Variants in TDRD5 observed in about 807,000 individuals in gnomAD.
TDRD5 encodes the protein tudor domain containing 5.
TDRD5 carries 41 observed loss-of-function variants against 120.6 expected under a neutral mutation model. The observed-to-expected ratio is 0.34, with a 90% CI of 0.26 to 0.44. The LOEUF (loss-of-function observed/expected upper bound fraction) is 0.44. Ranked by LOEUF, TDRD5 falls within the 20% of genes least tolerant of loss-of-function variation. TDRD5 has a pLI of 1.00. For missense variants in TDRD5, 1,006 were observed against 1,221.2 expected, an observed-to-expected ratio of 0.82 and a Z score of 2.63; for synonymous variants, 430 against 433.7, an observed-to-expected ratio of 0.99 and a Z score of 0.11.
chr1:179,675,368 C>T (rs1030241231), intron 17 of TDRD5, among the ~76,000 whole-genome samples: 6 of 146,260 alleles, frequency 4.1e-5, no homozygotes, highest in African/African-American at 7.6e-5. Context: ...CAAGCTCCGC[C>T]TCTTGGGTTC....
intron 6 of TDRD5, among the ~76,000 whole-genome samples, chr1:179,626,370 G>A (rs958148798): frequency 5.9e-5 from 9 of 152,096 alleles, no homozygotes; most frequent in African/African-American, 1.7e-4. Context: ...ATAATCTATG[G>A]TGGAAAAAAA....
chr1:179,682,320 G>A (rs895908679), intron 17 of TDRD5, among the ~76,000 whole-genome samples: 2 of 151,956 alleles, frequency 1.3e-5, no homozygotes, highest in African/African-American at 2.4e-5. Flanking sequence ...AGGTATACAC[G>A]TGCCATGGTG....
At chr1:179,659,594 C>T (rs12089519) in intron 14 of TDRD5, among the ~76,000 whole-genome samples, 1,927 of 139,686 alleles carry the variant, frequency 0.014, 53 homozygotes, top group African/African-American at 0.047. Context: ...TGTGTGTGCG[C>T]GCGCTTGCCT....
At chr1:179,651,933 G>T in intron 12 of TDRD5, 106 bp from the exon 13 acceptor site, 2 of 1,245,992 alleles carry the variant, frequency 1.6e-6, no homozygotes, top group East Asian at 2.5e-5. Flanking sequence ...AATAAAATTT[G>T]GAAGATAATA....
At chr1:179,602,640 T>TC (rs1426476164) in intron 4 of TDRD5, among the ~76,000 whole-genome samples, 6 of 152,194 alleles carry the variant, frequency 3.9e-5, no homozygotes, top group African/African-American at 1.4e-4. Flanking sequence ...GGGTGTCCTT[T>TC]CCCCACTTTA....
At chr1:179,596,497 A>G (rs1201396261) in intron 4 of TDRD5, among the ~76,000 whole-genome samples, 2 of 152,134 alleles carry the variant, frequency 1.3e-5, no homozygotes, top group African/African-American at 2.4e-5. Flanking sequence ...TCTTTCCCCA[A>G]CTGCAGCCAC....
intron 9 of TDRD5, among the ~76,000 whole-genome samples, chr1:179,638,431 C>T (rs1677884139): frequency 7.8e-6 from 1 of 128,288 alleles, no homozygotes; most frequent in Non-Finnish European, 1.7e-5. Flanking sequence ...TCTAAGTTGA[C>T]CATGAGAGTC....
chr1:179,595,317 A>G (rs1405241165), intron 3 of TDRD5, among the ~76,000 whole-genome samples: 2 of 152,200 alleles, frequency 1.3e-5, no homozygotes, highest in Non-Finnish European at 2.9e-5. Flanking sequence ...TTTGTCTCCT[A>G]AATGGGATAC....
At chr1:179,683,267 C>G (rs2147813197) in intron 17 of TDRD5, among the ~76,000 whole-genome samples, 2 of 152,302 alleles carry the variant, frequency 1.3e-5, no homozygotes. Flanking sequence ...GCTGTTGTTT[C>G]ATACATTTTG....
chr1:179,595,710 A>G lies in TDRD5; in HGVS notation c.723A>G (p.Gln241=), dbSNP rs1479368394. Residue 241 remains glutamine, a synonymous_variant, in exon 4 of 18, where the codon CAA becomes CAG. Transcript: ENST00000444136. ...GFPVAKPCFS[Q]PTSNMEPPKQ... is the part of the protein sequence containing the mutation. ...CGGTAGCAAAGCCATGCTTTTCACA[A>G]CCCACTTCAAACATGGAACCACCGA... The G allele has an allele frequency of 1.9e-6, 3 of 1,613,780 alleles. No homozygotes were observed. The highest frequency in any genetic ancestry group is 1.7e-5 in the Admixed American group (1 of 59,994).
chr1:179,653,004 T>C (rs1678803058), intron 13 of TDRD5, among the ~76,000 whole-genome samples: 1 of 152,230 alleles, frequency 6.6e-6, no homozygotes, highest in Non-Finnish European at 1.5e-5. Context: ...TATGCAAATG[T>C]TTCAAAATCC....
rs1056424884 is a variant in TDRD5, at chr1:179,606,680, A to T, written c.831+10862A>T. On this transcript the variant is annotated intron_variant, in intron 4 of 17. Coordinates refer to ENST00000444136, the MANE Select transcript of TDRD5 (RefSeq NM_001199085.3). ...GGGTTTTTTTGCAAGTGGATGTTCA[A>T]TTCTAGTACCATTTGTGAAAAGACT... Among the ~76,000 whole-genome samples the T allele has an allele frequency of 2.0e-5, 3 of 152,078 alleles. No homozygotes were observed. In the South Asian group the frequency reaches 6.2e-4, roughly 32 times the overall value.
At chr1:179,609,592 A>G (rs942616189) in intron 4 of TDRD5, among the ~76,000 whole-genome samples, 7 of 152,234 alleles carry the variant, frequency 4.6e-5, no homozygotes, top group East Asian at 1.9e-4. Context: ...CACCCAGTCT[A>G]TGGTATTTTG....
chr1:179,669,234 C>A lies in TDRD5; in HGVS notation c.2690C>A (p.Pro897His), dbSNP rs367623198. 37 of 1,613,968 alleles carry A rather than the reference C, an allele frequency of 2.3e-5. No homozygotes were observed. In the African/African-American group the frequency reaches 4.1e-4, roughly 18 times the overall value. The change falls in exon 17 of 18, where the codon CCC (proline) becomes CAC (histidine). Residue 897 changes from proline to histidine, a missense_variant. By Grantham distance (77) the Pro-to-His change is moderately conservative (BLOSUM62 -2). This residue lies in a region of TDRD5 where 403 missense variants were observed against 448.1 expected (regional missense o/e 0.90). Transcript: ENST00000444136. ...INGSSDSSTL[P>H]KLEEFCTSLT... ...GGTTCTTCAGATTCTTCCACACTGCCCAAATTGGAAGAATTCTGTACCTCT... is the reference window on the plus strand; with the variant it reads ...GGTTCTTCAGATTCTTCCACACTGCACAAATTGGAAGAATTCTGTACCTCT...
At chr1:179,600,317 A>G (rs1386534565) in intron 4 of TDRD5, among the ~76,000 whole-genome samples, 1 of 152,132 alleles carries the variant, frequency 6.6e-6, no homozygotes, top group African/African-American at 2.4e-5. Context: ...TATCTTTTAT[A>G]CTGTATTTTT....
chr1:179,614,713 A>C (rs1459968411), intron 4 of TDRD5, among the ~76,000 whole-genome samples: 2 of 152,008 alleles, frequency 1.3e-5, no homozygotes, highest in East Asian at 3.9e-4. Flanking sequence ...TGATACCTTC[A>C]GGTGTATTAT....
chr1:179,597,969 A>C (rs1359263791), intron 4 of TDRD5, among the ~76,000 whole-genome samples: 1 of 152,194 alleles, frequency 6.6e-6, no homozygotes, highest in African/African-American at 2.4e-5. Context: ...TCCTGTGTCA[A>C]TGACAGGGAT....
At chr1:179,673,521 T>A (rs1212910110) in intron 17 of TDRD5, among the ~76,000 whole-genome samples, 1 of 152,086 alleles carries the variant, frequency 6.6e-6, no homozygotes, top group African/African-American at 2.4e-5. Context: ...TTTTATACAT[T>A]TAGGGAGACA....
intron 17 of TDRD5, among the ~76,000 whole-genome samples, chr1:179,672,534 T>C (rs937229129): frequency 6.6e-6 from 1 of 152,198 alleles, no homozygotes; most frequent in Non-Finnish European, 1.5e-5. Flanking sequence ...TTTTCTCCCA[T>C]TCTGTGGGTT....
Sources: allele counts gnomAD v4.1 joint callset (sites outside exome capture counted in the v4.1 genomes callset), GRCh38; gene constraint gnomAD v4.1.1; regional missense constraint gnomAD v4.1.1; transcripts MANE v1.5; gene names NCBI Gene and HGNC (gene_info 2026-07-23, HGNC 2026-07-21).